Variants in TNIK observed in about 807,000 individuals in gnomAD.
TNIK encodes TRAF2 and NCK interacting kinase.
Under a neutral mutation model 191.3 loss-of-function variants are expected in TNIK, and 49 were observed. That is an observed-to-expected ratio of 0.26 (90% CI 0.20 to 0.32). The LOEUF (loss-of-function observed/expected upper bound fraction) is 0.32. Among genes scored for constraint, TNIK ranks in the 10% least tolerant of loss-of-function variants. TNIK has a pLI of 1.00. For synonymous variants in TNIK, 594 were observed against 600.9 expected (o/e 0.99, Z 0.17); for missense variants, 1,155 against 1,702.3 (o/e 0.68, Z 5.66).
At chr3:171,410,888 G>C (rs1238032670) in intron 1 of TNIK, among the ~76,000 whole-genome samples, 1 of 151,706 alleles carries the variant, frequency 6.6e-6, no homozygotes, top group South Asian at 2.1e-4. Flanking sequence ...AGATGCAAGG[G>C]GAAGGAGGTA....
chr3:171,210,546 C>T (rs1740677034), intron 4 of TNIK, among the ~76,000 whole-genome samples: 1 of 152,128 alleles, frequency 6.6e-6, no homozygotes, highest in South Asian at 2.1e-4. Flanking sequence ...TGCAGAGTCC[C>T]TACTTGGTAC....
intron 12 of TNIK, among the ~76,000 whole-genome samples, chr3:171,146,113 T>C (rs1731536304): frequency 6.6e-6 from 1 of 152,226 alleles, no homozygotes; most frequent in African/African-American, 2.4e-5. Context: ...GTCTCTTTTC[T>C]CATGTGTCAG....
At chr3:171,446,331 C>T (rs74685998) in intron 1 of TNIK, among the ~76,000 whole-genome samples, 1,610 of 152,134 alleles carry the variant, frequency 0.011, 29 homozygotes, top group African/African-American at 0.037. Flanking sequence ...CAACCTGTTC[C>T]ACCCACCACA....
chr3:171,422,853 AG>A (rs1724011163), intron 1 of TNIK, among the ~76,000 whole-genome samples: 1 of 152,244 alleles, frequency 6.6e-6, no homozygotes, highest in South Asian at 2.1e-4. Flanking sequence ...GGATATCTTC[AG>A]AACCCTGGGA....
rs1486392248 is a variant in TNIK at position 171,228,225 on chromosome 3, T to C, written c.124-4A>G. On this transcript the variant is annotated splice_polypyrimidine_tract_variant and splice_region_variant and intron_variant, in intron 2 of 32. Transcript: ENST00000436636. ...GGCCCGTTTTGACATGACGACCCTG[T>C]GAAGAAAAAATAATAACAAAAGATT... 17 of 1,613,228 alleles carry C rather than the reference T, an allele frequency of 1.1e-5. No individual in the cohort carries two copies. Among genetic ancestry groups the C allele is most frequent in the Non-Finnish European group, 1.4e-5 (17 of 1,179,532 alleles).
intron 1 of TNIK, among the ~76,000 whole-genome samples, chr3:171,399,395 G>A (rs993683042): frequency 1.3e-5 from 2 of 152,270 alleles, no homozygotes; most frequent in Non-Finnish European, 2.9e-5. Flanking sequence ...AATCACAAGA[G>A]TGCTGGTCCC....
intron 1 of TNIK, among the ~76,000 whole-genome samples, chr3:171,372,842 C>T (rs1162232059): frequency 6.6e-6 from 1 of 152,138 alleles, no homozygotes; most frequent in African/African-American, 2.4e-5. Flanking sequence ...AAGAACCAGT[C>T]TGGAATCAAA....
chr3:171,193,271 C>T (rs1377847454), intron 5 of TNIK, among the ~76,000 whole-genome samples: 1 of 152,202 alleles, frequency 6.6e-6, no homozygotes, highest in Non-Finnish European at 1.5e-5. Context: ...TCTTCTTCTT[C>T]AAGATTGCCT....
intron 15 of TNIK, among the ~76,000 whole-genome samples, chr3:171,137,597 A>G (rs1207330394): frequency 2.6e-5 from 4 of 152,212 alleles, no homozygotes; most frequent in Admixed American, 6.5e-5. Context: ...ACATAGTGCT[A>G]AGTTCCTGAA....
In TNIK at chr3:171,126,142, G is replaced by C; in HGVS notation, c.1783C>G (p.Leu595Val). 1 of 1,536,020 alleles carries C rather than the reference G, an allele frequency of 6.5e-7. No individual in the cohort carries two copies. Among genetic ancestry groups the C allele is most frequent in the Non-Finnish European group, 8.7e-7 (1 of 1,145,638 alleles). Residue 595 changes from leucine to valine, a missense_variant, in exon 17 of 33, where the codon CTG becomes GTG. Around this residue, in one of 3 missense-constraint regions of TNIK, gnomAD observed 735 missense variants for 848.0 expected, o/e 0.87. Coordinates refer to ENST00000436636, the MANE Select transcript of TNIK (RefSeq NM_015028.4). ...GGTCCCTGGGATTTTACAGCTACCAGATGTGGGATCTAAGCATCAAAACAA... is the reference window on the plus strand; with the variant it reads ...GGTCCCTGGGATTTTACAGCTACCACATGTGGGATCTAAGCATCAAAACAA... ...LRPVDPQIPH[L>V]VAVKSQGPAL...
chr3:171,196,341 A>T (rs956150502), intron 4 of TNIK, among the ~76,000 whole-genome samples: 5 of 152,202 alleles, frequency 3.3e-5, no homozygotes, highest in African/African-American at 1.2e-4. Context: ...TAAATAGAAA[A>T]AAATAAATAA....
At chr3:171,135,956 A>C (rs927288724) in intron 15 of TNIK, among the ~76,000 whole-genome samples, 3 of 152,220 alleles carry the variant, frequency 2.0e-5, no homozygotes, top group African/African-American at 7.2e-5. Context: ...CAGACCAGTA[A>C]ATTTAGTGAT....
At chr3:171,381,107 C>G (rs1174629409) in intron 1 of TNIK, among the ~76,000 whole-genome samples, 1 of 151,712 alleles carries the variant, frequency 6.6e-6, no homozygotes, top group South Asian at 2.1e-4. Context: ...CCGTGAAGGA[C>G]ATACAAATTT....
chr3:171,265,840 A>T (rs1421161227), intron 2 of TNIK, among the ~76,000 whole-genome samples: 2 of 149,390 alleles, frequency 1.3e-5, no homozygotes. Context: ...GATTGCTTTA[A>T]ATAAGCATTA....
At chr3:171,421,726 T>TTTTTTG (rs1723828852) in intron 1 of TNIK, among the ~76,000 whole-genome samples, 1 of 110,664 alleles carries the variant, frequency 9.0e-6, no homozygotes, top group African/African-American at 4.5e-5. Flanking sequence ...GTTGTGTAAT[T>TTTTTTG]TTTTTTTTTT....
intron 12 of TNIK, among the ~76,000 whole-genome samples, chr3:171,153,110 A>G (rs1443699304): frequency 1.3e-5 from 2 of 151,944 alleles, no homozygotes; most frequent in African/African-American, 4.8e-5. Context: ...GTCATTTGAA[A>G]CCAAAAGATG....
intron 1 of TNIK, among the ~76,000 whole-genome samples, chr3:171,435,789 G>T (rs890587289): frequency 1.3e-5 from 2 of 152,136 alleles, no homozygotes; most frequent in African/African-American, 4.8e-5. Context: ...TACAAAGCAA[G>T]AAACACACAT....
At chr3:171,432,207 C>T (rs563231401) in intron 1 of TNIK, among the ~76,000 whole-genome samples, 2 of 152,174 alleles carry the variant, frequency 1.3e-5, no homozygotes, top group Admixed American at 6.6e-5. Flanking sequence ...AGAACACAAT[C>T]GACTTGTGGA....
At chr3:171,197,999 AAGC>A (rs1257510472) in intron 4 of TNIK, among the ~76,000 whole-genome samples, 1 of 152,210 alleles carries the variant, frequency 6.6e-6, no homozygotes, top group Non-Finnish European at 1.5e-5. Context: ...AATAGACAAA[AAGC>A]AGAAAAAAAC....
Sources: gnomAD v4.1 joint callset for allele counts (sites outside exome capture counted in the v4.1 genomes callset) on GRCh38, gnomAD v4.1.1 for gene constraint, gnomAD v4.1.1 regional missense constraint, MANE v1.5 for transcripts, NCBI Gene and HGNC (gene_info 2026-07-23, HGNC 2026-07-21) for gene names.